The following PTBP3 variants were observed in gnomAD, a reference collection of about 807,000 sequenced individuals.
The protein encoded by PTBP3 is polypyrimidine tract binding protein 3, also known as polypyrimidine tract-binding protein 3.
Under a neutral mutation model 58.7 loss-of-function variants are expected in PTBP3, and 20 were observed. That is an observed-to-expected ratio of 0.34 (90% CI 0.24 to 0.50). The LOEUF (loss-of-function observed/expected upper bound fraction) is 0.50, where lower values mean the gene tolerates loss of function less well. Ranked by LOEUF, PTBP3 falls within the 20% of genes least tolerant of loss-of-function variation. PTBP3 has a pLI of 0.98. For synonymous variants in PTBP3, 185 were observed against 219.8 expected, an observed-to-expected ratio of 0.84 and a Z score of 1.40; for missense variants, 509 against 637.2, an observed-to-expected ratio of 0.80 and a Z score of 2.17.
intron 10 of PTBP3, 86 bp downstream of exon 10, chr9:112,231,294 G>A: frequency 9.3e-7 from 1 of 1,079,854 alleles, no homozygotes; most frequent in South Asian, 1.6e-5. Flanking sequence ...TTGGCACACA[G>A]AAGTAATCAA....
the PTBP3 span, among the ~76,000 whole-genome samples, chr9:112,339,151 C>G: frequency 6.6e-6 from 1 of 151,870 alleles, no homozygotes; most frequent in African/African-American, 2.4e-5. Context: ...ATTAGCCAGG[C>G]GTGGTGGCTC....
the PTBP3 span, among the ~76,000 whole-genome samples, chr9:112,343,096 T>G: frequency 6.6e-6 from 1 of 152,174 alleles, no homozygotes; most frequent in Non-Finnish European, 1.5e-5. Context: ...AAATGCAGGA[T>G]GAGCCTAGAG....
intron 1 of PTBP3, among the ~76,000 whole-genome samples, chr9:112,306,173 C>CT (rs745743404): frequency 3.5e-4 from 53 of 151,222 alleles, no homozygotes; most frequent in Middle Eastern, 3.4e-3. Context: ...ATTTTTTAAA[C>CT]TTTTTTTTTG....
intron 1 of PTBP3, among the ~76,000 whole-genome samples, chr9:112,320,291 A>AATATATATAT (rs1288195199): frequency 4.1e-5 from 3 of 73,534 alleles, no homozygotes; most frequent in African/African-American, 9.0e-5. Context: ...AAAAAAAAAA[A>AATATATATAT]ATATATATAT....
At chr9:112,269,146 G>C (rs528383383) in intron 3 of PTBP3, among the ~76,000 whole-genome samples, 1 of 147,452 alleles carries the variant, frequency 6.8e-6, no homozygotes, top group African/African-American at 2.5e-5. Flanking sequence ...GCAGTGAGCC[G>C]AGATCGCGCC....
chr9:112,237,974 T>C (rs1442060283), intron 7 of PTBP3, among the ~76,000 whole-genome samples: 3 of 152,152 alleles, frequency 2.0e-5, no homozygotes, highest in African/African-American at 7.2e-5. Context: ...TAGGTTGAAA[T>C]GATCCTGAAC....
chr9:112,260,715 T>C (rs116473565), intron 5 of PTBP3, among the ~76,000 whole-genome samples: 1,700 of 152,098 alleles, frequency 0.011, 34 homozygotes, highest in African/African-American at 0.039. Flanking sequence ...GTAATGAAGA[T>C]AAAGAGATGG....
At chr9:112,323,371 G>A (rs1587892142) in intron 1 of PTBP3, among the ~76,000 whole-genome samples, 1 of 152,286 alleles carries the variant, frequency 6.6e-6, no homozygotes, top group South Asian at 2.1e-4. Flanking sequence ...AGAGGAGACA[G>A]GTTTAAGCAT....
At chr9:112,287,595 C>A (rs528085016) in intron 2 of PTBP3, among the ~76,000 whole-genome samples, 1 of 152,088 alleles carries the variant, frequency 6.6e-6, no homozygotes, top group Non-Finnish European at 1.5e-5. Flanking sequence ...CCCGCCTCGG[C>A]CTCCCAAAGT....
At chr9:112,340,751 C>T in the PTBP3 span, among the ~76,000 whole-genome samples, 17 of 152,092 alleles carry the variant, frequency 1.1e-4, no homozygotes, top group African/African-American at 3.1e-4. Context: ...TAGTGGTGCA[C>T]GCCTGTAATC....
At chr9:112,329,805 A>T (rs1381293705) in intron 1 of PTBP3, among the ~76,000 whole-genome samples, 2 of 152,084 alleles carry the variant, frequency 1.3e-5, no homozygotes, top group Admixed American at 6.5e-5. Context: ...AGGATATAAG[A>T]AAGGACATGG....
the PTBP3 span, among the ~76,000 whole-genome samples, chr9:112,339,578 T>C: frequency 6.6e-6 from 1 of 151,492 alleles, no homozygotes; most frequent in Non-Finnish European, 1.5e-5. Context: ...TTTTTTTTTT[T>C]CTTTTGAGAC....
At position 112,333,534 on chromosome 9, in the gene PTBP3, A is replaced by G; in HGVS notation, c.-116T>C. The G allele has an allele frequency of 1.3e-6, 2 of 1,563,182 alleles. No individual in the cohort carries two copies. Among genetic ancestry groups the G allele is most frequent in the Non-Finnish European group, 8.7e-7 (1 of 1,152,428 alleles). On this transcript the variant is annotated 5_prime_UTR_variant, in exon 1 of 14. Coordinates refer to ENST00000374257, the MANE Select transcript of PTBP3 (RefSeq NM_001163788.4). ...CTGACGGGCTAACCGCGAGCAGAGG[A>G]AGCAGGCGGCGGCAGCAGGGCGGTT... is the stretch of plus-strand genomic sequence containing the variant.
rs1009017549 is a variant in PTBP3 at position 112,277,332 on chromosome 9, G to A, written c.35-1319C>T. 2.6e-5 allele frequency among the ~76,000 whole-genome samples: 4 copies of A among 151,988 alleles called. No homozygotes were observed. The South Asian group carries it at 6.2e-4, about 24-fold the overall frequency. On this transcript the variant is annotated intron_variant, in intron 2 of 13. Coordinates refer to ENST00000374257, the MANE Select transcript of PTBP3 (RefSeq NM_001163788.4). ...AATAATTGGCACACAAATGTTTATC[G>A]GATTAATTAATCTGGAAGGCAAGAG...
At chr9:112,324,160 C>G (rs1830059305) in intron 1 of PTBP3, among the ~76,000 whole-genome samples, 1 of 151,688 alleles carries the variant, frequency 6.6e-6, no homozygotes, top group African/African-American at 2.4e-5. Flanking sequence ...AAAAGACAAC[C>G]TAGAATTCTG....
chr9:112,347,940 A>G, the PTBP3 span, among the ~76,000 whole-genome samples: 2 of 152,220 alleles, frequency 1.3e-5, no homozygotes, highest in Non-Finnish European at 2.9e-5. Flanking sequence ...TGTATCAAGT[A>G]TTATGCACAC....
At chr9:112,360,136 G>A in the PTBP3 span, among the ~76,000 whole-genome samples, 1 of 152,126 alleles carries the variant, frequency 6.6e-6, no homozygotes, top group Non-Finnish European at 1.5e-5. Context: ...GGAGTTCTAC[G>A]CAGAAGGCTT....
chr9:112,355,327 G>A, the PTBP3 span, among the ~76,000 whole-genome samples: 3 of 152,164 alleles, frequency 2.0e-5, no homozygotes, highest in Non-Finnish European at 4.4e-5. Context: ...GCAATAGTAG[G>A]GATCCAGGTG....
At chr9:112,228,597 A>C in intron 10 of PTBP3, 125 bp from the exon 11 acceptor site, 1 of 564,120 alleles carries the variant, frequency 1.8e-6, no homozygotes. Flanking sequence ...TACACCTGCA[A>C]ATTTTTATCT....
Sources: gnomAD v4.1 joint callset for allele counts (sites outside exome capture counted in the v4.1 genomes callset) on GRCh38, gnomAD v4.1.1 for gene constraint, MANE v1.5 for transcripts, NCBI Gene and HGNC (gene_info 2026-07-23, HGNC 2026-07-21) for gene names.